MVB12B: variants seen among roughly 807,000 people sequenced by gnomAD.
MVB12B encodes the protein ESCRT-I complex subunit MVB12B.
In MVB12B, 16 loss-of-function variants were observed where a neutral mutation model predicts 41.6. That is an observed-to-expected ratio of 0.38 (90% confidence interval 0.26 to 0.58). The LOEUF is 0.58. Ranked by LOEUF, MVB12B falls within the 20% of genes least tolerant of loss-of-function variation. The pLI, the probability that MVB12B is intolerant of heterozygous loss-of-function variation, is 0.62. For synonymous variants in MVB12B, 133 were observed against 139.7 expected (o/e 0.95, Z 0.34); for missense variants, 274 against 380.2 (o/e 0.72, Z 2.32).
At chr9:126,371,954 T>A (rs954148678) in intron 2 of MVB12B, among the ~76,000 whole-genome samples, 1 of 152,166 alleles carries the variant, frequency 6.6e-6, no homozygotes, top group Non-Finnish European at 1.5e-5. Context: ...AGCCACAGAT[T>A]TGCACAACTA....
At chr9:126,499,809 C>T (rs1368343581) in intron 9 of MVB12B, among the ~76,000 whole-genome samples, 55 of 152,180 alleles carry the variant, frequency 3.6e-4, no homozygotes, top group Admixed American at 3.6e-3. Flanking sequence ...ATCTGTGCGC[C>T]CTCGCGGGGA....
At chr9:126,371,109 G>A (rs1289187188) in intron 2 of MVB12B, among the ~76,000 whole-genome samples, 1 of 152,168 alleles carries the variant, frequency 6.6e-6, no homozygotes, top group African/African-American at 2.4e-5. Flanking sequence ...CCACTGATGC[G>A]TCACTGGCAG....
At chr9:126,330,948 C>T (rs1829114133) in intron 1 of MVB12B, among the ~76,000 whole-genome samples, 1 of 152,078 alleles carries the variant, frequency 6.6e-6, no homozygotes. Flanking sequence ...AATTTCCTTC[C>T]TTTTTAAGGC....
intron 2 of MVB12B, among the ~76,000 whole-genome samples, chr9:126,343,209 G>A (rs1213069269): frequency 1.3e-5 from 2 of 152,152 alleles, no homozygotes; most frequent in Non-Finnish European, 2.9e-5. Context: ...TTATTGTTCC[G>A]ACGTCTGCGG....
intron 7 of MVB12B, among the ~76,000 whole-genome samples, chr9:126,471,858 GC>G (rs1179262930): frequency 7.9e-5 from 12 of 152,058 alleles, no homozygotes; most frequent in African/African-American, 2.7e-4. Context: ...CTGCCAATAA[GC>G]CTCATTGTTC....
At chr9:126,405,698 T>C (rs184972850) in intron 6 of MVB12B, among the ~76,000 whole-genome samples, 4 of 151,850 alleles carry the variant, frequency 2.6e-5, no homozygotes, top group Admixed American at 2.0e-4. Flanking sequence ...ATAAAATCCT[T>C]TGCTTGCAGT....
chr9:126,361,392 C>T (rs1476461641), intron 2 of MVB12B, among the ~76,000 whole-genome samples: 2 of 152,062 alleles, frequency 1.3e-5, no homozygotes, highest in Admixed American at 6.5e-5. Flanking sequence ...TTTTTTTCTA[C>T]GTATGTCATA....
chr9:126,457,370 G>T (rs137967132), intron 7 of MVB12B, among the ~76,000 whole-genome samples: 1 of 152,192 alleles, frequency 6.6e-6, no homozygotes, highest in Non-Finnish European at 1.5e-5. Flanking sequence ...AAATCTGGGA[G>T]CTGCATCTGA....
intron 2 of MVB12B, among the ~76,000 whole-genome samples, chr9:126,361,796 C>G (rs1318536097): frequency 2.6e-5 from 4 of 151,970 alleles, no homozygotes; most frequent in African/African-American, 9.7e-5. Context: ...CACCTGTAAT[C>G]CCAGCAGCTC....
intron 2 of MVB12B, among the ~76,000 whole-genome samples, chr9:126,364,816 A>G (rs1314121575): frequency 1.3e-5 from 2 of 151,934 alleles, no homozygotes; most frequent in East Asian, 1.9e-4. Context: ...CAGTGGCGCA[A>G]TCTCCACTCA....
At chr9:126,456,521 G>C (rs541867401) in intron 7 of MVB12B, among the ~76,000 whole-genome samples, 1 of 152,288 alleles carries the variant, frequency 6.6e-6, no homozygotes, top group South Asian at 2.1e-4. Flanking sequence ...AAGCCCCAGG[G>C]TTTTTCTAAC....
At chr9:126,379,749 G>GGCTCCA in intron 2 of MVB12B, among the ~76,000 whole-genome samples, 1 of 152,280 alleles carries the variant, frequency 6.6e-6, no homozygotes, top group East Asian at 1.9e-4. Context: ...GGCCGTGGTG[G>GGCTCCA]GCTCCAGGAA....
chr9:126,405,957 C>CA (rs1264822876), intron 6 of MVB12B, among the ~76,000 whole-genome samples: 2 of 151,050 alleles, frequency 1.3e-5, no homozygotes, highest in Non-Finnish European at 2.9e-5. Context: ...CCTACACACA[C>CA]AGAGATAGAT....
Position 126,486,534 on chromosome 9 carries a change from A to G in MVB12B, c.873+2502A>G, listed in dbSNP as rs1833622642. On this transcript the variant is annotated intron_variant, in intron 9 of 9. Transcript: ENST00000361171. The surrounding 1 kb of genome is among the most constrained non-coding windows in gnomAD (Gnocchi z 4.7). Reference sequence around the variant, plus strand: ...TCTCACGGGGTGCTTTGTGATGCCAAATGGATATAGGTGGGACGTGCTGGC... The same window carrying G: ...TCTCACGGGGTGCTTTGTGATGCCAGATGGATATAGGTGGGACGTGCTGGC... Among the ~76,000 whole-genome samples, 1 of 152,210 alleles carries G rather than the reference A, an allele frequency of 6.6e-6. No homozygotes were observed. The highest frequency in any genetic ancestry group is 2.4e-5 in the African/African-American group (1 of 41,454).
rs1362426383 is a variant in MVB12B, at chr9:126,335,378, A to C, written c.82-5130A>C. 3 of 1,304,210 alleles carry C rather than the reference A, an allele frequency of 2.3e-6. No homozygotes were observed. In the Admixed American group the frequency reaches 6.9e-5, roughly 30 times the overall value. The allele number at this position is 1,304,210 out of a possible 1,614,324, so 80.8% of individuals were successfully genotyped here. Reference sequence around the variant, plus strand: ...CCATTTAACTGGGCACAGCATGGACACTGGCCTCAGCTCTCAGCCTTCTGA... The same window carrying C: ...CCATTTAACTGGGCACAGCATGGACCCTGGCCTCAGCTCTCAGCCTTCTGA... On this transcript the variant is annotated intron_variant, in intron 1 of 9. Transcript: ENST00000361171.
intron 9 of MVB12B, among the ~76,000 whole-genome samples, chr9:126,499,269 G>A (rs916612370): frequency 2.0e-5 from 3 of 152,058 alleles, no homozygotes; most frequent in Non-Finnish European, 4.4e-5. Context: ...GAGCCTCCAG[G>A]ACCCCTGGCA....
chr9:126,353,610 T>TA (rs1216084586), intron 2 of MVB12B, among the ~76,000 whole-genome samples: 1 of 152,218 alleles, frequency 6.6e-6, no homozygotes, highest in Non-Finnish European at 1.5e-5. Context: ...TTGTGGCTGT[T>TA]ACCTTAGTGT....
intron 6 of MVB12B, among the ~76,000 whole-genome samples, chr9:126,407,724 A>G (rs1831487454): frequency 1.3e-5 from 2 of 152,174 alleles, no homozygotes; most frequent in South Asian, 2.1e-4. Flanking sequence ...GGAATTCATT[A>G]GCGTTATTAC....
rs1832481628 is a variant in MVB12B, at chr9:126,436,455, G to C, written c.757+14507G>C. Among the ~76,000 whole-genome samples, 1 of 152,186 alleles carries C rather than the reference G, an allele frequency of 6.6e-6. No individual in the cohort carries two copies. The highest frequency in any genetic ancestry group is 2.4e-5 in the African/African-American group (1 of 41,446). On this transcript the variant is annotated intron_variant, in intron 7 of 9. Coordinates refer to ENST00000361171, the MANE Select transcript of MVB12B (RefSeq NM_033446.3). The surrounding 1 kb of genome is among the most constrained non-coding windows in gnomAD (Gnocchi z 4.1). ...GGAGTTTCAAAGTCAATTACTGCTTGTCCTATTATAATTTACACACACAGG... is the reference window on the plus strand; with the variant it reads ...GGAGTTTCAAAGTCAATTACTGCTTCTCCTATTATAATTTACACACACAGG...
Sources: allele counts gnomAD v4.1 joint callset (sites outside exome capture counted in the v4.1 genomes callset), GRCh38; gene constraint gnomAD v4.1.1; non-coding constraint Gnocchi (gnomAD v3.1); transcripts MANE v1.5; gene names NCBI Gene and HGNC (gene_info 2026-07-23, HGNC 2026-07-21).